The following CAMKMT variants were observed in gnomAD, a reference collection of about 807,000 sequenced individuals.
CAMKMT encodes calmodulin-lysine N-methyltransferase.
CAMKMT carries 53 observed loss-of-function variants against 48.0 expected under a neutral mutation model. That is an observed-to-expected ratio of 1.10 (90% CI 0.89 to 1.39). The LOEUF (loss-of-function observed/expected upper bound fraction) is 1.39. Ranked by LOEUF, CAMKMT falls within the 40% of genes most tolerant of loss-of-function variation. The pLI is 0.00. For synonymous variants in CAMKMT, 165 were observed against 152.3 expected (o/e 1.08, Z -0.61); for missense variants, 428 against 402.7 (o/e 1.06, Z -0.54).
chr2:44,738,570 T>A (rs563329881), intron 7 of CAMKMT, among the ~76,000 whole-genome samples: 1 of 152,350 alleles, frequency 6.6e-6, no homozygotes, highest in South Asian at 2.1e-4. Flanking sequence ...TTCATCCATA[T>A]GGCATATTTA....
chr2:44,767,423 C>T (rs1191373409), intron 10 of CAMKMT, among the ~76,000 whole-genome samples: 2 of 152,188 alleles, frequency 1.3e-5, no homozygotes, highest in Admixed American at 6.5e-5. Flanking sequence ...GAACAGCATC[C>T]TTTATTACCC....
chr2:44,762,082 G>A (rs560570542), intron 9 of CAMKMT, among the ~76,000 whole-genome samples: 2 of 152,288 alleles, frequency 1.3e-5, no homozygotes, highest in Non-Finnish European at 2.9e-5. Flanking sequence ...GAGCCCTGAG[G>A]ACCACTGACA....
intron 2 of CAMKMT, among the ~76,000 whole-genome samples, chr2:44,380,062 C>T (rs1680086158): frequency 6.6e-6 from 1 of 152,074 alleles, no homozygotes; most frequent in Non-Finnish European, 1.5e-5. Flanking sequence ...CTTTTCACCT[C>T]TAGTTTCAAC....
intron 3 of CAMKMT, among the ~76,000 whole-genome samples, chr2:44,397,568 C>T (rs1681969921): frequency 6.6e-6 from 1 of 152,122 alleles, no homozygotes; most frequent in Non-Finnish European, 1.5e-5. Context: ...GTTGTCAGGA[C>T]GGTTTTTTCT....
intron 3 of CAMKMT, among the ~76,000 whole-genome samples, chr2:44,427,607 T>G (rs1684355079): frequency 6.6e-6 from 1 of 152,138 alleles, no homozygotes; most frequent in Non-Finnish European, 1.5e-5. Context: ...TACCAAACCT[T>G]AGCACCATAC....
At chr2:44,447,403 C>T (rs897824740) in intron 3 of CAMKMT, among the ~76,000 whole-genome samples, 8 of 152,036 alleles carry the variant, frequency 5.3e-5, no homozygotes, top group African/African-American at 1.4e-4. Flanking sequence ...TAGTGCCTAC[C>T]GTAGTTTTGG....
At chr2:44,662,808 C>T (rs904068794) in intron 3 of CAMKMT, among the ~76,000 whole-genome samples, 2 of 152,134 alleles carry the variant, frequency 1.3e-5, no homozygotes, top group African/African-American at 4.8e-5. Flanking sequence ...AAGCGACTTT[C>T]CTACCTCAGC....
chr2:44,727,291 T>G (rs1383280398), intron 7 of CAMKMT, among the ~76,000 whole-genome samples: 2 of 152,246 alleles, frequency 1.3e-5, no homozygotes, highest in East Asian at 1.9e-4. Flanking sequence ...GTCTTTGATT[T>G]CTTTCAGCAG....
chr2:44,709,945 A>G (rs958459931), intron 6 of CAMKMT, among the ~76,000 whole-genome samples: 4 of 152,166 alleles, frequency 2.6e-5, no homozygotes, highest in Admixed American at 1.3e-4. Context: ...AATGTAATTG[A>G]AAATTGGCCT....
intron 3 of CAMKMT, among the ~76,000 whole-genome samples, chr2:44,397,800 T>G (rs1420502971): frequency 6.6e-6 from 1 of 152,232 alleles, no homozygotes; most frequent in Non-Finnish European, 1.5e-5. Flanking sequence ...GGAATGATTC[T>G]TTGACAGTAG....
chr2:44,377,119 G>A (rs1479871831), intron 2 of CAMKMT, among the ~76,000 whole-genome samples: 1 of 152,026 alleles, frequency 6.6e-6, no homozygotes, highest in African/African-American at 2.4e-5. Flanking sequence ...CAATCCGCCC[G>A]CCTTAGTCTC....
chr2:44,599,048 G>T (rs1670833352), intron 3 of CAMKMT, among the ~76,000 whole-genome samples: 1 of 152,008 alleles, frequency 6.6e-6, no homozygotes, highest in Non-Finnish European at 1.5e-5. Flanking sequence ...GCAAGGTAGA[G>T]AGTAAAATCC....
Position 44,581,335 on chromosome 2 carries a change from C to T in CAMKMT, c.377-122948C>T, listed in dbSNP as rs116623792. 2.6e-3 allele frequency among the ~76,000 whole-genome samples: 393 copies of T among 152,128 alleles called. 3 individuals are homozygous for T. The highest frequency in any genetic ancestry group is 9.1e-3 in the African/African-American group (377 of 41,482). ...GTTTTACCAGCAAGAACACTGAAGC[C>T]GACATTAAGCTAAGCAAATGGGCTA... On this transcript the variant is annotated intron_variant, in intron 3 of 10. Coordinates refer to ENST00000378494, the MANE Select transcript of CAMKMT (RefSeq NM_024766.5).
At chr2:44,384,750 A>G (rs116040048) in intron 2 of CAMKMT, among the ~76,000 whole-genome samples, 3 of 151,208 alleles carry the variant, frequency 2.0e-5, no homozygotes, top group East Asian at 1.9e-4. Flanking sequence ...CCTTTCCCCC[A>G]CTTTTTGTTT....
intron 9 of CAMKMT, among the ~76,000 whole-genome samples, chr2:44,760,452 A>C (rs1276239893): frequency 6.6e-6 from 1 of 152,012 alleles, no homozygotes; most frequent in African/African-American, 2.4e-5. Flanking sequence ...CTACTAAAAA[A>C]TACAAAAAAT....
At chr2:44,541,840 G>C (rs1490344871) in intron 3 of CAMKMT, among the ~76,000 whole-genome samples, 1 of 151,618 alleles carries the variant, frequency 6.6e-6, no homozygotes, top group East Asian at 1.9e-4. Flanking sequence ...TGTAAAAACA[G>C]CCATATCGGC....
chr2:44,446,439 T>C (rs1667002142), intron 3 of CAMKMT, among the ~76,000 whole-genome samples: 1 of 152,070 alleles, frequency 6.6e-6, no homozygotes. Context: ...CTCTGCCTCC[T>C]GGGTTCAAGC....
chr2:44,501,551 G>C (rs1670007399), intron 3 of CAMKMT, among the ~76,000 whole-genome samples: 1 of 152,166 alleles, frequency 6.6e-6, no homozygotes, highest in African/African-American at 2.4e-5. Flanking sequence ...TCATTGGGAG[G>C]CTGGGTCTTC....
At chr2:44,445,767 G>A (rs1666960721) in intron 3 of CAMKMT, among the ~76,000 whole-genome samples, 1 of 142,984 alleles carries the variant, frequency 7.0e-6, no homozygotes, top group African/African-American at 2.6e-5. Context: ...GTTGTCCTCA[G>A]CCCCCTCCTC....
Sources: allele counts gnomAD v4.1 joint callset (sites outside exome capture counted in the v4.1 genomes callset), GRCh38; gene constraint gnomAD v4.1.1; transcripts MANE v1.5; gene names NCBI Gene and HGNC (gene_info 2026-07-23, HGNC 2026-07-21).